The following SLC7A10 variants were observed in gnomAD, a reference collection of about 807,000 sequenced individuals.
SLC7A10 encodes solute carrier family 7 member 10.
A neutral mutation model predicts 52.7 loss-of-function variants in SLC7A10; 30 were observed. That is an observed-to-expected ratio of 0.57 (90% CI 0.43 to 0.77). The LOEUF is 0.77. SLC7A10 is among the 30% of genes least tolerant of loss of function. The pLI, the probability that SLC7A10 is intolerant of heterozygous loss-of-function variation, is 0.00. For synonymous variants in SLC7A10, 318 were observed against 314.9 expected (o/e 1.01, Z -0.10); for missense variants, 581 against 698.5 (o/e 0.83, Z 1.90).
rs1974484125 is a variant in SLC7A10, at chr19:33,209,290, T to C, written c.1441+18A>G. The C allele has an allele frequency of 1.1e-5, 18 of 1,613,690 alleles. No individual in the cohort carries two copies. The highest frequency in any genetic ancestry group is 1.5e-5 in the Non-Finnish European group (18 of 1,179,960). ...CCCCGGCCCCCTGTGCTGGGTGACC[T>C]GCAGCTGCCCGGCTCACCTGTGAGT... On this transcript the variant is annotated intron_variant, in intron 10 of 10. Transcript: ENST00000253188.
chr19:33,224,721 A>C (rs1974885916), intron 1 of SLC7A10, among the ~76,000 whole-genome samples: 1 of 152,194 alleles, frequency 6.6e-6, no homozygotes, highest in Admixed American at 6.5e-5. Context: ...GTCAGTATCC[A>C]TGACTTGGGA....
chr19:33,212,416 C>T lies in SLC7A10; in HGVS notation c.664G>A (p.Ala222Thr), dbSNP rs1974574992. Residue 222 changes from alanine to threonine, a missense_variant, in exon 5 of 11, where the codon GCC becomes ACC. By Grantham distance (58) the Ala-to-Thr change is moderately conservative. Coordinates refer to ENST00000253188, the MANE Select transcript of SLC7A10 (RefSeq NM_019849.3). ...GAGGGCGTCATCCAGAAAGCAAAGG[C>T]ATTGCTGGGCCTCAGCTCCTCGAAG... is the stretch of plus-strand genomic sequence containing the variant. ...GHFEELRPSN[A>T]FAFWMTPSVG... 3 of 1,613,818 alleles carry T rather than the reference C, an allele frequency of 1.9e-6. No individual in the cohort carries two copies. In the African/African-American group the frequency reaches 4.0e-5, roughly 22 times the overall value.
Position 33,214,945 on chromosome 19 carries a change from C to T in SLC7A10, c.356+824G>A, listed in dbSNP as rs115545323. 5.1e-3 allele frequency among the ~76,000 whole-genome samples: 780 copies of T among 152,156 alleles called. 6 individuals carry two copies. Among genetic ancestry groups the T allele is most frequent in the African/African-American group, 0.018 (756 of 41,514 alleles). The stretch of plus-strand genomic sequence containing the variant: ...TGCTCAGCAAATATTCCCTGGTGAA[C>T]GAAGGAAGGATAGCAGGGTGCTAAG... On this transcript the variant is annotated intron_variant, in intron 2 of 10. Transcript: ENST00000253188.
intron 1 of SLC7A10, 135 bp downstream of exon 1, chr19:33,225,418 C>T: frequency 5.4e-6 from 6 of 1,117,352 alleles, no homozygotes; most frequent in Non-Finnish European, 6.5e-6. Context: ...GCGGTCATAG[C>T]GCTCTCTGAG....
chr19:33,210,560 A>T lies in SLC7A10; in HGVS notation c.1170T>A (p.Tyr390Ter). 6.2e-7 allele frequency: 1 copy of T among 1,612,218 alleles called. No individual in the cohort carries two copies. ...LVGDTYTLIN[Y>*]VSFINYLCYG... ...AGCAGAGGTAGTTGATGAAGGACAC[A>T]TAGTTGATGAGCGTGTACGTGTCGC... is the stretch of plus-strand genomic sequence containing the variant. The change falls in exon 9 of 11, where the codon TAT becomes TAA. Residue 390 changes from tyrosine (Y) to a stop codon, truncating the protein, a stop_gained. Coordinates refer to ENST00000253188, the MANE Select transcript of SLC7A10 (RefSeq NM_019849.3). LOFTEE classifies it high-confidence loss of function. This position sits in a 1 kb window ranked among gnomAD's most constrained non-coding sequence, Gnocchi z 5.6.
intron 1 of SLC7A10, among the ~76,000 whole-genome samples, chr19:33,217,037 T>C (rs1974701827): frequency 8.2e-6 from 1 of 121,566 alleles, no homozygotes; most frequent in African/African-American, 2.7e-5. Context: ...CACACCCAGG[T>C]TTTTTTTTTT....
At position 33,225,751 on chromosome 19, in the gene SLC7A10, G is replaced by T. The variant is rs1481528112; in HGVS notation, c.-48C>A. 6.9e-7 allele frequency: 1 copy of T among 1,454,124 alleles called. No homozygotes were observed. The highest frequency in any genetic ancestry group is 9.0e-7 in the Non-Finnish European group (1 of 1,110,274). The allele number at this position is 1,454,124 out of a possible 1,614,324, so 90.1% of individuals were successfully genotyped here. A position where few individuals can be genotyped will look rare whatever the true frequency, so the allele number is the denominator to read the frequency against. On this transcript the variant is annotated 5_prime_UTR_variant, in exon 1 of 11. Transcript: ENST00000253188. ...GCTCCCTGCGCTGCCCCGTCTGTCCGGCCGGCCGCCCGTCGGTCCGTCGGT... is the reference window on the plus strand; with the variant it reads ...GCTCCCTGCGCTGCCCCGTCTGTCCTGCCGGCCGCCCGTCGGTCCGTCGGT...
intron 9 of SLC7A10, 67 bp from the exon 10 acceptor site, chr19:33,209,552 G>A: frequency 6.5e-7 from 1 of 1,538,630 alleles, no homozygotes; most frequent in Non-Finnish European, 8.8e-7. Context: ...CCGACCCCTG[G>A]GGGTCTGGGG....
In SLC7A10 at chr19:33,211,426, A is replaced by G; in HGVS notation, c.900T>C (p.Asn300=). 1 of 1,613,960 alleles carries G rather than the reference A, an allele frequency of 6.2e-7. No homozygotes were observed. The highest frequency in any genetic ancestry group is 8.5e-7 in the Non-Finnish European group (1 of 1,179,978). Residue 300 remains asparagine (N), a synonymous_variant, in exon 6 of 11, where the codon AAT becomes AAC. Transcript: ENST00000253188. ...AMSPQELLSS[N]AVAVTFGEKL... The stretch of plus-strand genomic sequence containing the variant: ...GGGGCCCACTCACCACAGCCACCGC[A>G]TTGGAGGAGAGCAGCTCCTGGGGGG...
In SLC7A10 at chr19:33,211,533, G is replaced by A. The variant is rs1974554450; in HGVS notation, c.793C>T (p.Leu265=). ...TEEMVDARKN[L]PRAIFISIPL... ...ATGGAGATGAAGATGGCGCGAGGTA[G>A]GTTCCTGGTGACAGGCAGTGGAGTG... The change falls in exon 6 of 11, where the codon CTA becomes TTA. Residue 265 remains leucine (L), a synonymous_variant. Transcript: ENST00000253188. 6.2e-7 allele frequency: 1 copy of A among 1,614,002 alleles called. No individual in the cohort carries two copies. Among genetic ancestry groups the A allele is most frequent in the African/African-American group, 1.3e-5 (1 of 74,930 alleles).
At chr19:33,223,891 A>C (rs1974865290) in intron 1 of SLC7A10, among the ~76,000 whole-genome samples, 2 of 151,994 alleles carry the variant, frequency 1.3e-5, no homozygotes, top group African/African-American at 4.8e-5. Flanking sequence ...CTGGAAAAGG[A>C]GGGTGATAGT....
At chr19:33,218,690 T>TCTTTCTTTC (rs199544613) in intron 1 of SLC7A10, among the ~76,000 whole-genome samples, 21 of 90,420 alleles carry the variant, frequency 2.3e-4, no homozygotes, top group East Asian at 4.0e-4. Context: ...TCTTTTTTTT[T>TCTTTCTTTC]TTTTTTTAGT....
In SLC7A10 at chr19:33,209,158, A is replaced by C. The variant is rs551277853; in HGVS notation, c.1442-137T>G. 53 of 1,531,858 alleles carry C rather than the reference A, an allele frequency of 3.5e-5. 1 individual carries two copies. In the South Asian group the frequency reaches 5.8e-4, roughly 17 times the overall value. The allele number at this position is 1,531,858 out of a possible 1,614,324, so 94.9% of individuals were successfully genotyped here. A position where few individuals can be genotyped will look rare whatever the true frequency, so the allele number is the denominator to read the frequency against. Reference sequence around the variant, plus strand: ...CCGTGGTTCTGGAAACTTTGGGTACATCTTGGGAAGAGACATTTGGTGGCG... The same window carrying C: ...CCGTGGTTCTGGAAACTTTGGGTACCTCTTGGGAAGAGACATTTGGTGGCG... On this transcript the variant is annotated intron_variant, in intron 10 of 10. Coordinates refer to ENST00000253188, the MANE Select transcript of SLC7A10 (RefSeq NM_019849.3).
At chr19:33,218,060 C>T (rs1974727136) in intron 1 of SLC7A10, among the ~76,000 whole-genome samples, 1 of 152,168 alleles carries the variant, frequency 6.6e-6, no homozygotes, top group African/African-American at 2.4e-5. Flanking sequence ...CTGGGATTTG[C>T]CGAAAGCCAG....
chr19:33,213,163 G>A (rs1482828991), intron 2 of SLC7A10, among the ~76,000 whole-genome samples, 161 bp from the exon 3 acceptor site: 1 of 152,266 alleles, frequency 6.6e-6, no homozygotes. Flanking sequence ...TGACCTTGTT[G>A]AGGTCTTGCG....
In SLC7A10 at chr19:33,225,632, T is replaced by C; in HGVS notation, c.72A>G (p.Pro24=). The C allele has an allele frequency of 2.5e-6, 4 of 1,590,156 alleles. No homozygotes were observed. The highest frequency in any genetic ancestry group is 3.4e-6 in the Non-Finnish European group (4 of 1,176,994). The change falls in exon 1 of 11, where the codon CCA becomes CCG. Residue 24 remains proline (P), a synonymous_variant. Transcript: ENST00000253188. ...PRPAPSPSPV[P]GTVPGASERV... Reference sequence around the variant, plus strand: ...GCTCCGAGGCGCCGGGGACGGTCCCTGGGACTGGGGAGGGCGAGGGCGCAG... The same window carrying C: ...GCTCCGAGGCGCCGGGGACGGTCCCCGGGACTGGGGAGGGCGAGGGCGCAG...
intron 1 of SLC7A10, among the ~76,000 whole-genome samples, chr19:33,219,152 G>T (rs149234420): frequency 6.6e-6 from 1 of 152,210 alleles, no homozygotes; most frequent in South Asian, 2.1e-4. Context: ...CAGGTCCTCC[G>T]TGGGCCAGAG....
Position 33,211,271 on chromosome 19 carries a change from G to A in SLC7A10, c.970C>T (p.Leu324=), listed in dbSNP as rs766519995. 1.2e-5 allele frequency: 20 copies of A among 1,613,938 alleles called. No individual in the cohort carries two copies. The highest frequency in any genetic ancestry group is 1.6e-5 in the Non-Finnish European group (19 of 1,180,054). The part of the protein sequence containing the change: ...FSWVMPVSVA[L]STFGGINGYL... ...CCATTGATCCCTCCGAAGGTTGACA[G>A]AGCCACGGAGACAGGCATGACCCAA... The change falls in exon 7 of 11, where the codon CTG becomes TTG. Residue 324 remains leucine, a synonymous_variant. Coordinates refer to ENST00000253188, the MANE Select transcript of SLC7A10 (RefSeq NM_019849.3).
intron 1 of SLC7A10, among the ~76,000 whole-genome samples, chr19:33,219,227 C>T (rs954136010): frequency 6.6e-6 from 1 of 152,170 alleles, no homozygotes; most frequent in East Asian, 1.9e-4. Flanking sequence ...CTCCACCACC[C>T]GCCCCTCTTC....
Sources: allele counts gnomAD v4.1 joint callset (sites outside exome capture counted in the v4.1 genomes callset), GRCh38; gene constraint gnomAD v4.1.1; non-coding constraint Gnocchi (gnomAD v3.1); transcripts MANE v1.5; gene names NCBI Gene and HGNC (gene_info 2026-07-23, HGNC 2026-07-21).